Variants in OR2M2 observed in about 807,000 individuals in gnomAD.
OR2M2 encodes olfactory receptor 2M2.
For missense variants in OR2M2, 467 were observed against 429.9 expected (o/e 1.09, Z -0.76); for synonymous variants, 168 against 151.7 (o/e 1.11, Z -0.79).
At chr1:248,177,779 A>T (rs1665871433) in intron 1 of OR2M2, 1 of 152,096 alleles carries the variant, frequency 6.6e-6, no homozygotes, top group South Asian at 2.1e-4. Flanking sequence ...GCTTATCAAG[A>T]TGTTGACTTG....
rs1381844605 is a variant in OR2M2 at position 248,180,290 on chromosome 1, T to C, written c.305T>C (p.Phe102Ser). Reference sequence around the variant, plus strand: ...ATGGCTGGTTGTGTCACACAAATTTTCTTCTATATATCACTGTCTGGCTCT... The same window carrying C: ...ATGGCTGGTTGTGTCACACAAATTTCCTTCTATATATCACTGTCTGGCTCT... ...ISMAGCVTQIFFYISLSGSEC... is the reference protein window; with the variant it reads ...ISMAGCVTQISFYISLSGSEC... Residue 102 changes from phenylalanine (F) to serine (S), a missense_variant, in exon 2 of 2, where the codon TTC (phenylalanine) becomes TCC (serine). Phe to Ser is a radical substitution (Grantham distance 155, BLOSUM62 -2). Transcript: ENST00000641836. 1.2e-6 allele frequency: 2 copies of C among 1,613,216 alleles called. No homozygotes were observed. The highest frequency in any genetic ancestry group is 2.7e-5 in the African/African-American group (2 of 74,920).
chr1:248,179,442 T>A lies in OR2M2; in HGVS notation c.-18-526T>A, dbSNP rs532110556. ...ATCTTTCCAGTGTATCCACTTACCA[T>A]ATACAACAAAGCTTACTATAAAGTG... On this transcript the variant is annotated intron_variant, in intron 1 of 1. Transcript: ENST00000641836. Among the ~76,000 whole-genome samples the A allele has an allele frequency of 1.1e-4, 17 of 152,326 alleles. No individual in the cohort carries two copies. The South Asian group carries it at 3.5e-3, about 32-fold the overall frequency.
rs747994740 is a variant in OR2M2, at chr1:248,180,644, G to A, written c.659G>A (p.Arg220Gln). The A allele has an allele frequency of 5.0e-6, 8 of 1,612,194 alleles. No individual in the cohort carries two copies. The highest frequency in any genetic ancestry group is 1.3e-5 in the African/African-American group (1 of 74,830). Residue 220 changes from arginine to glutamine, a missense_variant, in exon 2 of 2, where the codon CGA becomes CAA. Transcript: ENST00000641836. ...GCAATCATCATTGCTTCCTATGCTC[G>A]AGTTATTCTGGCTGTCATTCACATG... ...PVAIIIASYA[R>Q]VILAVIHMGS... is the part of the protein sequence containing the mutation.
Position 248,180,031 on chromosome 1 carries a change from GGA to G in OR2M2, c.47_48del (p.Gly16AspfsTer95). On this transcript the variant is annotated frameshift_variant, in exon 2 of 2. Coordinates refer to ENST00000641836, the MANE Select transcript of OR2M2 (RefSeq NM_001004688.2). LOFTEE classifies it low-confidence loss of function (END_TRUNC). ...CTTCAACTCCGACTTCATCCTCCTT[GGA>G]ATCTTCAATCACAGCCCACCACACA... ...QTFNSDFILLGIFNHSPPHTF... is the reference protein window; with the variant it reads ...QTFNSDFILLXIFNHSPPHTF... 1 of 1,613,904 alleles carries G rather than the reference GGA, an allele frequency of 6.2e-7. No homozygotes were observed. Among genetic ancestry groups the G allele is most frequent in the South Asian group, 1.1e-5 (1 of 91,032 alleles).
intron 1 of OR2M2, among the ~76,000 whole-genome samples, chr1:248,179,103 C>T (rs6682887): frequency 0.14 from 20,791 of 152,022 alleles, 3,977 homozygotes; most frequent in African/African-American, 0.43. Context: ...TCCTCTCTCC[C>T]AGGTTCCTGT....
chr1:248,179,865 A>G (rs1259844096), intron 1 of OR2M2, 103 bp from the exon 2 acceptor site: 1 of 1,018,602 alleles, frequency 9.8e-7, no homozygotes. Flanking sequence ...ACTTCTATTC[A>G]TGCTGTATTG....
At chr1:248,175,112 T>A (rs1665844978) in intron 1 of OR2M2, among the ~76,000 whole-genome samples, 1 of 152,184 alleles carries the variant, frequency 6.6e-6, no homozygotes, top group Admixed American at 6.5e-5. Context: ...ATTTTTGTTT[T>A]TTATATCCTG....
At chr1:248,178,119 G>A (rs1665875910) in intron 1 of OR2M2, 1 of 151,966 alleles carries the variant, frequency 6.6e-6, no homozygotes, top group South Asian at 2.1e-4. Context: ...AACTCAAAGA[G>A]GTATACTTTA....
rs146796261 is a variant in OR2M2 at position 248,180,059 on chromosome 1, C to T, written c.74C>T (p.Thr25Met). The change falls in exon 2 of 2, where the codon ACG (threonine) becomes ATG (methionine). Residue 25 changes from threonine (T) to methionine (M), a missense_variant. Transcript: ENST00000641836. Reference sequence around the variant, plus strand: ...ATCTTCAATCACAGCCCACCACACACGTTCCTCTTCTTTCTGGTCCTGGGC... The same window carrying T: ...ATCTTCAATCACAGCCCACCACACATGTTCCTCTTCTTTCTGGTCCTGGGC... ...LGIFNHSPPHTFLFFLVLGIF... is the reference protein window; with the variant it reads ...LGIFNHSPPHMFLFFLVLGIF... 47 of 1,613,872 alleles carry T rather than the reference C, an allele frequency of 2.9e-5. No homozygotes were observed. Among genetic ancestry groups the T allele is most frequent in the Middle Eastern group, 1.6e-4 (1 of 6,084 alleles).
rs568153469 is a variant in OR2M2 at position 248,180,512 on chromosome 1, A to G, written c.527A>G (p.His176Arg). The G allele has an allele frequency of 7.9e-5, 128 of 1,613,876 alleles. 1 individual carries two copies. The Middle Eastern group carries it at 9.9e-4, about 12-fold the overall frequency. Reference protein sequence around the residue: ...FSFCGSREIAHFFCEFPSLLI... With the variant: ...FSFCGSREIARFFCEFPSLLI... ...TTTTGTGGGTCTCGGGAAATAGCCCACTTCTTCTGTGAATTCCCTTCCCTA... is the reference window on the plus strand; with the variant it reads ...TTTTGTGGGTCTCGGGAAATAGCCCGCTTCTTCTGTGAATTCCCTTCCCTA... The change falls in exon 2 of 2, where the codon CAC becomes CGC. Residue 176 changes from histidine to arginine, a missense_variant. Physicochemically the swap from His to Arg is conservative, Grantham distance 29 (BLOSUM62 0). Coordinates refer to ENST00000641836, the MANE Select transcript of OR2M2 (RefSeq NM_001004688.2).
chr1:248,178,284 A>G (rs748657102), intron 1 of OR2M2, among the ~76,000 whole-genome samples: 14 of 152,144 alleles, frequency 9.2e-5, no homozygotes, highest in Non-Finnish European at 2.1e-4. Context: ...ATGCATGAAT[A>G]AATTAAAAAA....
In OR2M2 at chr1:248,181,030, CAT is replaced by C; in HGVS notation, c.*4_*5del. 1 of 1,571,586 alleles carries C rather than the reference CAT, an allele frequency of 6.4e-7. No homozygotes were observed. Among genetic ancestry groups the C allele is most frequent in the Non-Finnish European group, 8.7e-7 (1 of 1,149,464 alleles). ...AGCATTGATTATGTACATTGCCTAA[CAT>C]ATTTATGGGCACCTATACAATTTAT... On this transcript the variant is annotated 3_prime_UTR_variant, in exon 2 of 2. Coordinates refer to ENST00000641836, the MANE Select transcript of OR2M2 (RefSeq NM_001004688.2).
At chr1:248,178,130 C>A (rs576357363) in intron 1 of OR2M2, 1 of 152,166 alleles carries the variant, frequency 6.6e-6, no homozygotes, top group East Asian at 1.9e-4. Context: ...GTATACTTTA[C>A]TACCCACCTA....
In OR2M2 at chr1:248,175,229, T is replaced by C. The variant is rs185799008; in HGVS notation, c.-19+358T>C. Among the ~76,000 whole-genome samples, 9 of 152,258 alleles carry C rather than the reference T, an allele frequency of 5.9e-5. 1 individual carries two copies. Among genetic ancestry groups the C allele is most frequent in the Admixed American group, 1.3e-4 (2 of 15,302 alleles). On this transcript the variant is annotated intron_variant, in intron 1 of 1. Transcript: ENST00000641836. Reference sequence around the variant, plus strand: ...TGATTTGAACATTTTTACCACATTCTCTTTTGTTTCAATAATTGTAGCTCA... The same window carrying C: ...TGATTTGAACATTTTTACCACATTCCCTTTTGTTTCAATAATTGTAGCTCA...
chr1:248,179,608 C>A (rs914928866), intron 1 of OR2M2, among the ~76,000 whole-genome samples: 6 of 152,260 alleles, frequency 3.9e-5, no homozygotes, highest in South Asian at 4.1e-4. Flanking sequence ...TTGACTGAAG[C>A]TGAATTAGCC....
In OR2M2 at chr1:248,179,967, G is replaced by T. The variant is rs1458217147; in HGVS notation, c.-18-1G>T. 11 of 1,595,116 alleles carry T rather than the reference G, an allele frequency of 6.9e-6. No individual in the cohort carries two copies. The highest frequency in any genetic ancestry group is 1.7e-5 in the Admixed American group (1 of 58,408). ...TTAATAAGATGGTTTTGTGGTACTA[G>T]GTAAAAAGCACATTCATCATGGCAT... is the stretch of plus-strand genomic sequence containing the variant. On this transcript the variant is annotated splice_acceptor_variant, in intron 1 of 1. Coordinates refer to ENST00000641836, the MANE Select transcript of OR2M2 (RefSeq NM_001004688.2). LOFTEE classifies it low-confidence loss of function (5UTR_SPLICE).
chr1:248,180,721 A>T lies in OR2M2; in HGVS notation c.736A>T (p.Met246Leu), dbSNP rs780321436. ...KAFTTCSSHLMVVGMYYGAAL... is the reference protein window; with the variant it reads ...KAFTTCSSHLLVVGMYYGAAL... Reference sequence around the variant, plus strand: ...TTTCACGACCTGTTCCTCTCACCTCATGGTGGTGGGAATGTACTATGGAGC... The same window carrying T: ...TTTCACGACCTGTTCCTCTCACCTCTTGGTGGTGGGAATGTACTATGGAGC... The change falls in exon 2 of 2, where the codon ATG (methionine) becomes TTG (leucine). Residue 246 changes from methionine (M) to leucine (L), a missense_variant. Met to Leu is a conservative substitution (Grantham distance 15). Transcript: ENST00000641836. 1.1e-5 allele frequency: 18 copies of T among 1,613,284 alleles called. No individual in the cohort carries two copies. Among genetic ancestry groups the T allele is most frequent in the Middle Eastern group, 1.8e-4 (1 of 5,706 alleles).
intron 1 of OR2M2, among the ~76,000 whole-genome samples, chr1:248,175,905 T>C (rs1487885516): frequency 1.3e-5 from 2 of 152,136 alleles, no homozygotes; most frequent in African/African-American, 4.8e-5. Flanking sequence ...TGATCTACTT[T>C]GTTCATTCAG....
chr1:248,180,601 A>G lies in OR2M2; in HGVS notation c.616A>G (p.Met206Val), dbSNP rs1665919593. 6.2e-6 allele frequency: 10 copies of G among 1,612,970 alleles called. No homozygotes were observed. The highest frequency in any genetic ancestry group is 8.5e-6 in the Non-Finnish European group (10 of 1,179,826). ...EEVIFICCIV[M>V]LVFPVAIIIA... is the part of the protein sequence containing the mutation. ...GGTTATTTTCATCTGCTGTATAGTAATGCTTGTTTTCCCTGTTGCAATCAT... is the reference window on the plus strand; with the variant it reads ...GGTTATTTTCATCTGCTGTATAGTAGTGCTTGTTTTCCCTGTTGCAATCAT... Residue 206 changes from methionine to valine, a missense_variant, in exon 2 of 2, where the codon ATG (methionine) becomes GTG (valine). Coordinates refer to ENST00000641836, the MANE Select transcript of OR2M2 (RefSeq NM_001004688.2).
Sources: allele counts gnomAD v4.1 joint callset (sites outside exome capture counted in the v4.1 genomes callset), GRCh38; gene constraint gnomAD v4.1.1; transcripts MANE v1.5; gene names NCBI Gene and HGNC (gene_info 2026-07-23, HGNC 2026-07-21).